The following RAPGEF2 variants were observed in gnomAD, a reference collection of about 807,000 sequenced individuals.
The protein encoded by RAPGEF2 is Rap guanine nucleotide exchange factor 2, also known as PDZ domain containing guanine nucleotide exchange factor (GEF) 1.
RAPGEF2 carries 54 observed loss-of-function variants against 186.7 expected under a neutral mutation model. The observed-to-expected ratio is 0.29, with a 90% confidence interval of 0.23 to 0.36. The LOEUF is 0.36. Among genes scored for constraint, RAPGEF2 ranks in the 10% least tolerant of loss-of-function variants. The pLI is 1.00. For missense variants in RAPGEF2, 1,532 were observed against 2,045.0 expected (o/e 0.75, Z 4.84); for synonymous variants, 712 against 705.9 (o/e 1.01, Z -0.14).
intron 10 of RAPGEF2, among the ~76,000 whole-genome samples, chr4:159,322,696 G>A (rs1765380903): frequency 6.6e-6 from 1 of 152,206 alleles, no homozygotes; most frequent in Non-Finnish European, 1.5e-5. Context: ...AAGAAAAAGA[G>A]GTTTAATTGG....
At chr4:159,129,028 A>T (rs1208191414) in intron 1 of RAPGEF2, 2 of 150,672 alleles carry the variant, frequency 1.3e-5, no homozygotes, top group Non-Finnish European at 3.0e-5. Context: ...ATTGTATGAT[A>T]TGAATGGATG....
At position 159,134,645 on chromosome 4, in the gene RAPGEF2, C is replaced by T. The variant is rs73860444; in HGVS notation, c.69+30414C>T. On this transcript the variant is annotated intron_variant, in intron 1 of 29. Transcript: ENST00000691494. ...CATCCTCGTCAGCACTTACACGTGT[C>T]AGTTTTATTTTGTAAGTCATCTTAT... Among the ~76,000 whole-genome samples, 1,406 of 152,286 alleles carry T rather than the reference C, an allele frequency of 9.2e-3. 23 individuals are homozygous for T. Among genetic ancestry groups the T allele is most frequent in the African/African-American group, 0.032 (1,310 of 41,558 alleles).
intron 4 of RAPGEF2, among the ~76,000 whole-genome samples, chr4:159,232,977 T>G (rs1752807000): frequency 6.6e-6 from 1 of 152,162 alleles, no homozygotes; most frequent in Admixed American, 6.5e-5. Context: ...TCTGGAGAAA[T>G]GCCTATGTAA....
chr4:159,253,899 C>T (rs1193172342), intron 7 of RAPGEF2, among the ~76,000 whole-genome samples: 5 of 151,724 alleles, frequency 3.3e-5, no homozygotes, highest in African/African-American at 7.3e-5. Flanking sequence ...ACCCAGGAGG[C>T]GGAGCTGGCA....
chr4:159,199,423 C>G (rs1368520811), intron 3 of RAPGEF2, among the ~76,000 whole-genome samples: 1 of 151,706 alleles, frequency 6.6e-6, no homozygotes, highest in African/African-American at 2.4e-5. Context: ...TTCAGGTTTG[C>G]CTTCTCATGC....
intron 9 of RAPGEF2, among the ~76,000 whole-genome samples, chr4:159,321,940 A>G (rs1238973305): frequency 6.6e-6 from 1 of 152,310 alleles, no homozygotes; most frequent in Middle Eastern, 3.4e-3. Context: ...TCTGCTGACT[A>G]TTTTAGGCAT....
intron 10 of RAPGEF2, among the ~76,000 whole-genome samples, chr4:159,323,220 T>C (rs1353378018): frequency 6.6e-6 from 1 of 152,132 alleles, no homozygotes; most frequent in Admixed American, 6.5e-5. Flanking sequence ...GAGAAGAATA[T>C]CCAAAGTCAA....
intron 19 of RAPGEF2, 65 bp from the exon 20 acceptor site, chr4:159,341,499 C>A (rs2111262684): frequency 1.4e-6 from 2 of 1,468,640 alleles, no homozygotes; most frequent in South Asian, 1.4e-5. Context: ...TAGCATTATT[C>A]TTTCAAGGAA....
chr4:159,341,155 T>C (rs1729419427), intron 19 of RAPGEF2, among the ~76,000 whole-genome samples: 1 of 152,050 alleles, frequency 6.6e-6, no homozygotes, highest in Non-Finnish European at 1.5e-5. Flanking sequence ...GATAAGAAAA[T>C]AAGAAAATAA....
rs1174166089 is a variant in RAPGEF2, at chr4:159,103,466, G to C, written c.-697G>C. The stretch of plus-strand genomic sequence containing the variant: ...CGGCGGCGGCGGCTGGGCGGCCCGA[G>C]GGGATGCAGCAGCAGTCGGGAGGGA... On this transcript the variant is annotated 5_prime_UTR_variant, in exon 1 of 30. Transcript: ENST00000691494. 2 of 158,212 alleles carry C rather than the reference G, an allele frequency of 1.3e-5. No homozygotes were observed. Among genetic ancestry groups the C allele is most frequent in the Non-Finnish European group, 1.4e-5 (1 of 72,678 alleles). The allele number at this position is 158,212 out of a possible 1,614,324, so 9.8% of individuals were successfully genotyped here.
chr4:159,355,894 C>CCCCCCCAA lies in RAPGEF2; in HGVS notation c.4695_4696insCCCCAACC (p.Gly1566ProfsTer62). ...GTATCGAGAGCCCCCGCCCACCCCT[C>CCCCCCCAA]CCGGCTACATTGGAATTCCCATTAC... is the stretch of plus-strand genomic sequence containing the variant. On this transcript the variant is annotated frameshift_variant, in exon 29 of 30. Coordinates refer to ENST00000691494, the MANE Select transcript of RAPGEF2 (RefSeq NM_001394067.2). LOFTEE classifies it high-confidence loss of function. 6.5e-7 allele frequency: 1 copy of CCCCCCCAA among 1,544,936 alleles called. No homozygotes were observed. Among genetic ancestry groups the CCCCCCCAA allele is most frequent in the Non-Finnish European group, 8.8e-7 (1 of 1,141,756 alleles).
intron 8 of RAPGEF2, among the ~76,000 whole-genome samples, chr4:159,311,398 AT>A (rs1420730665): frequency 1.3e-5 from 2 of 152,152 alleles, no homozygotes; most frequent in African/African-American, 2.4e-5. Flanking sequence ...ACAAATATAA[AT>A]TGCGTGCAGC....
At chr4:159,320,049 T>C (rs985754221) in intron 9 of RAPGEF2, among the ~76,000 whole-genome samples, 1 of 152,184 alleles carries the variant, frequency 6.6e-6, no homozygotes, top group Non-Finnish European at 1.5e-5. Context: ...CCCATGAATC[T>C]TTGCTTGTCC....
intron 20 of RAPGEF2, among the ~76,000 whole-genome samples, chr4:159,342,553 A>ATTTTATTTTATTTTATTTTATT (rs1554041228): frequency 4.2e-5 from 3 of 71,962 alleles, no homozygotes; most frequent in Non-Finnish European, 5.9e-5. Flanking sequence ...TTTATTTTAT[A>ATTTTATTTTATTTTATTTTATT]TTATTTTATT....
chr4:159,200,008 C>T (rs1421248724), intron 3 of RAPGEF2, among the ~76,000 whole-genome samples: 1 of 152,144 alleles, frequency 6.6e-6, no homozygotes, highest in East Asian at 1.9e-4. Context: ...GGATCTATTT[C>T]TTTACCCTCA....
At chr4:159,230,521 A>C (rs1005480801) in intron 4 of RAPGEF2, among the ~76,000 whole-genome samples, 1 of 152,182 alleles carries the variant, frequency 6.6e-6, no homozygotes, top group African/African-American at 2.4e-5. Context: ...ATACTTGTTT[A>C]TCTTGGTAAG....
chr4:159,211,533 G>A (rs1297277795), intron 4 of RAPGEF2, among the ~76,000 whole-genome samples: 2 of 152,270 alleles, frequency 1.3e-5, no homozygotes, highest in African/African-American at 4.8e-5. Context: ...TAAATATTCT[G>A]ACTGGGTCAG....
In RAPGEF2 at chr4:159,338,353, A is replaced by G; in HGVS notation, c.2178A>G (p.Gly726=). The G allele has an allele frequency of 1.9e-6, 3 of 1,614,182 alleles. No homozygotes were observed. In the South Asian group the frequency reaches 3.3e-5, roughly 18 times the overall value. ...IGQSQDDSIV[G]LRQTKHIPTA... ...AGTCTCAAGATGACAGCATAGTAGGATTAAGGCAGACAAAGCACATCCCAA... is the reference window on the plus strand; with the variant it reads ...AGTCTCAAGATGACAGCATAGTAGGGTTAAGGCAGACAAAGCACATCCCAA... The change falls in exon 18 of 30, where the codon GGA becomes GGG. Residue 726 remains glycine, a synonymous_variant. Transcript: ENST00000691494.
intron 1 of RAPGEF2, among the ~76,000 whole-genome samples, chr4:159,180,484 A>G (rs1161557530): frequency 1.3e-5 from 2 of 152,198 alleles, no homozygotes; most frequent in African/African-American, 2.4e-5. Flanking sequence ...ACCTAACTGC[A>G]TCTATAATAG....
Sources: gnomAD v4.1 joint callset for allele counts (sites outside exome capture counted in the v4.1 genomes callset) on GRCh38, gnomAD v4.1.1 for gene constraint, MANE v1.5 for transcripts, NCBI Gene and HGNC (gene_info 2026-07-23, HGNC 2026-07-21) for gene names.